ZW10: variants seen among roughly 807,000 people sequenced by gnomAD.
ZW10 encodes the protein zw10 kinetochore protein.
In ZW10, 53 loss-of-function variants were observed where a neutral mutation model predicts 87.8. The observed-to-expected ratio is 0.60, with a 90% CI of 0.48 to 0.76. The LOEUF is 0.76. Among genes scored for constraint, ZW10 ranks in the 30% least tolerant of loss-of-function variants. The probability of loss-of-function intolerance (pLI) is 0.00; values close to 1 mark genes in which losing one functional copy is unlikely to be tolerated. For synonymous variants in ZW10, 312 were observed against 329.2 expected (o/e 0.95, Z 0.57); for missense variants, 837 against 923.0 (o/e 0.91, Z 1.21).
At chr11:113,752,742 A>G (rs1376411263) in intron 7 of ZW10, among the ~76,000 whole-genome samples, 1 of 152,156 alleles carries the variant, frequency 6.6e-6, no homozygotes, top group African/African-American at 2.4e-5. Context: ...TCATGTCTCT[A>G]TCTCCTAGGG....
At chr11:113,764,278 T>C (rs1223104478) in intron 2 of ZW10, among the ~76,000 whole-genome samples, 1 of 152,242 alleles carries the variant, frequency 6.6e-6, no homozygotes, top group South Asian at 2.1e-4. Context: ...GCAGTGTAGT[T>C]TGAAGTCAGG....
Position 113,738,301 on chromosome 11 carries a change from T to C in ZW10, c.1847A>G (p.Glu616Gly), listed in dbSNP as rs1239820016. ...SARNFSNMDD[E>G]ENYSAASKAV... Reference sequence around the variant, plus strand: ...TTTACTTGCTGCAGAATAATTCTCTTCATCGTCCATATTTGAAAAGTTCCT... The same window carrying C: ...TTTACTTGCTGCAGAATAATTCTCTCCATCGTCCATATTTGAAAAGTTCCT... Residue 616 changes from glutamate (E) to glycine (G), a missense_variant, in exon 13 of 16, where the codon GAA becomes GGA. By Grantham distance (98) the Glu-to-Gly change is moderately conservative. Coordinates refer to ENST00000200135, the MANE Select transcript of ZW10 (RefSeq NM_004724.4). 1 of 1,613,230 alleles carries C rather than the reference T, an allele frequency of 6.2e-7. No individual in the cohort carries two copies.
In ZW10 at chr11:113,741,745, G is replaced by A. The variant is rs2134869914; in HGVS notation, c.1532C>T (p.Ser511Leu). The A allele has an allele frequency of 1.2e-6, 2 of 1,608,488 alleles. No individual in the cohort carries two copies. Among genetic ancestry groups the A allele is most frequent in the East Asian group, 2.2e-5 (1 of 44,576 alleles). Reference sequence around the variant, plus strand: ...GAACAAATGGAAGATATTCCTCACTGAGTAGAAAAGTTGAACAGCACTAAA... The same window carrying A: ...GAACAAATGGAAGATATTCCTCACTAAGTAGAAAAGTTGAACAGCACTAAA... The part of the protein sequence containing the change: ...SDQCAVQLFY[S>L]VRNIFHLFHD... The change falls in exon 11 of 16, where the codon TCA becomes TTA. Residue 511 changes from serine to leucine, a missense_variant. Physicochemically the swap from Ser to Leu is moderately radical, Grantham distance 145 (BLOSUM62 -2). Transcript: ENST00000200135.
chr11:113,763,488 G>A (rs1953883129), intron 2 of ZW10, among the ~76,000 whole-genome samples: 1 of 152,226 alleles, frequency 6.6e-6, no homozygotes, highest in African/African-American at 2.4e-5. Flanking sequence ...CACCAACAGT[G>A]TAAAAACGTT....
At chr11:113,735,927 C>A (rs1953546530) in intron 15 of ZW10, among the ~76,000 whole-genome samples, 1 of 152,106 alleles carries the variant, frequency 6.6e-6, no homozygotes, top group Non-Finnish European at 1.5e-5. Context: ...ATATTTCAGA[C>A]AGGTAAAAGT....
At chr11:113,764,588 T>G (rs887478184) in intron 2 of ZW10, among the ~76,000 whole-genome samples, 1 of 152,176 alleles carries the variant, frequency 6.6e-6, no homozygotes, top group African/African-American at 2.4e-5. Context: ...TTTTTTCTAT[T>G]TTTAAATTTT....
chr11:113,736,418 GT>G (rs1953553833), intron 15 of ZW10, among the ~76,000 whole-genome samples: 1 of 152,160 alleles, frequency 6.6e-6, no homozygotes, highest in Admixed American at 6.5e-5. Context: ...TGGATGAGAA[GT>G]CTTTATGCTA....
intron 2 of ZW10, among the ~76,000 whole-genome samples, chr11:113,762,557 C>T (rs1435771375): frequency 6.6e-6 from 1 of 150,750 alleles, no homozygotes; most frequent in East Asian, 1.9e-4. Context: ...CTCACTCTGT[C>T]ACCCAGCTGG....
intron 10 of ZW10, among the ~76,000 whole-genome samples, chr11:113,743,369 T>C (rs1259233386): frequency 6.6e-6 from 1 of 152,234 alleles, no homozygotes; most frequent in Admixed American, 6.5e-5. Context: ...TATTACCCAC[T>C]GCCAACACAA....
intron 11 of ZW10, among the ~76,000 whole-genome samples, chr11:113,741,366 C>T (rs1953616724): frequency 6.6e-6 from 1 of 152,162 alleles, no homozygotes; most frequent in Non-Finnish European, 1.5e-5. Flanking sequence ...AACATCTAAA[C>T]ATTTTAATTC....
In ZW10 at chr11:113,767,439, C is replaced by T. The variant is rs1953919966; in HGVS notation, c.240+1394G>A. ...ATCCCTGACTCCTACATTCTTCACTCCCCACATCAACAAGTTCCAAATATC... is the reference window on the plus strand; with the variant it reads ...ATCCCTGACTCCTACATTCTTCACTTCCCACATCAACAAGTTCCAAATATC... On this transcript the variant is annotated intron_variant, in intron 2 of 15. Transcript: ENST00000200135. Among the ~76,000 whole-genome samples the T allele has an allele frequency of 2.6e-5, 4 of 152,160 alleles. No individual in the cohort carries two copies. The South Asian group carries it at 6.2e-4, about 24-fold the overall frequency.
intron 15 of ZW10, among the ~76,000 whole-genome samples, chr11:113,735,783 G>C (rs950812263): frequency 6.6e-6 from 1 of 151,682 alleles, no homozygotes; most frequent in African/African-American, 2.4e-5. Context: ...TTAACTGATG[G>C]TGTTGAGAGA....
At chr11:113,771,297 G>A (rs530511032) in intron 1 of ZW10, 1 of 152,266 alleles carries the variant, frequency 6.6e-6, no homozygotes, top group Non-Finnish European at 1.5e-5. Context: ...TTGAGCATAG[G>A]GTACAGAAGC....
In ZW10 at chr11:113,738,170, T is replaced by C; in HGVS notation, c.1884+94A>G. ...GGGGTGCAGGGAATCAACTGAATAC[T>C]TGTTACATATTGTTTTCTGCTTTAA... is the stretch of plus-strand genomic sequence containing the variant. On this transcript the variant is annotated intron_variant, in intron 13 of 15. Coordinates refer to ENST00000200135, the MANE Select transcript of ZW10 (RefSeq NM_004724.4). 3 of 1,372,298 alleles carry C rather than the reference T, an allele frequency of 2.2e-6. No homozygotes were observed. In the South Asian group the frequency reaches 4.7e-5, roughly 22 times the overall value. The allele number at this position is 1,372,298 out of a possible 1,614,324, so 85.0% of individuals were successfully genotyped here.
chr11:113,747,727 GAAAA>G lies in ZW10; in HGVS notation c.1090-18_1090-15del. 1 of 1,537,032 alleles carries G rather than the reference GAAAA, an allele frequency of 6.5e-7. No homozygotes were observed. The highest frequency in any genetic ancestry group is 8.8e-7 in the Non-Finnish European group (1 of 1,138,496). On this transcript the variant is annotated splice_polypyrimidine_tract_variant and intron_variant, in intron 8 of 15. Transcript: ENST00000200135. ...GGACTGTATGATCTGAGATACAAAA[GAAAA>G]AAAAGAAAAGAATCATTTACATATA...
At chr11:113,764,837 AC>A (rs1953895218) in intron 2 of ZW10, among the ~76,000 whole-genome samples, 1 of 151,988 alleles carries the variant, frequency 6.6e-6, no homozygotes, top group African/African-American at 2.4e-5. Flanking sequence ...ACTATTCTCT[AC>A]TGATTTTCCT....
chr11:113,739,635 C>A (rs1055161070), intron 11 of ZW10, among the ~76,000 whole-genome samples: 1 of 152,142 alleles, frequency 6.6e-6, no homozygotes, highest in African/African-American at 2.4e-5. Flanking sequence ...AAGATGTTTG[C>A]CTGAGTCAAC....
chr11:113,745,885 A>C (rs1002407476), intron 9 of ZW10, among the ~76,000 whole-genome samples: 1 of 152,200 alleles, frequency 6.6e-6, no homozygotes, highest in African/African-American at 2.4e-5. Flanking sequence ...AGCTTTTTTC[A>C]AAGTTGGGAA....
intron 9 of ZW10, among the ~76,000 whole-genome samples, chr11:113,744,404 A>G (rs1207933354): frequency 6.6e-6 from 1 of 152,128 alleles, no homozygotes; most frequent in Non-Finnish European, 1.5e-5. Context: ...CTCCGTCTCA[A>G]AAAAAACAAA....
Sources: allele counts gnomAD v4.1 joint callset (sites outside exome capture counted in the v4.1 genomes callset), GRCh38; gene constraint gnomAD v4.1.1; transcripts MANE v1.5; gene names NCBI Gene and HGNC (gene_info 2026-07-23, HGNC 2026-07-21).